Variants in DNAH5 observed in about 807,000 individuals in gnomAD.
The protein encoded by DNAH5 is axonemal beta dynein heavy chain 5.
A neutral mutation model predicts 518.2 loss-of-function variants in DNAH5; 372 were observed. The observed-to-expected ratio is 0.72, with a 90% CI of 0.66 to 0.78. The LOEUF (loss-of-function observed/expected upper bound fraction) is 0.78. Ranked by LOEUF, DNAH5 falls within the 30% of genes least tolerant of loss-of-function variation. DNAH5 has a pLI of 0.00. For missense variants in DNAH5, 5,523 were observed against 5,687.0 expected, an observed-to-expected ratio of 0.97 and a Z score of 0.93; for synonymous variants, 2,039 against 2,025.9, an observed-to-expected ratio of 1.01 and a Z score of -0.17.
chr5:13,930,986 G>A (rs1778357483), intron 2 of DNAH5, 124 bp downstream of exon 2: 1 of 1,412,056 alleles, frequency 7.1e-7, no homozygotes, highest in Non-Finnish European at 1.0e-6. Flanking sequence ...TCAGAATGGA[G>A]CCCTGTCCAC....
intron 1 of DNAH5, among the ~76,000 whole-genome samples, chr5:13,965,837 A>C (rs1312475431): frequency 6.6e-6 from 1 of 152,184 alleles, no homozygotes; most frequent in Non-Finnish European, 1.5e-5. Context: ...TTTGGAGAAC[A>C]GGTGGTTCCA....
chr5:14,011,508 C>A (rs754828179), intron 1 of DNAH5, among the ~76,000 whole-genome samples: 1 of 152,192 alleles, frequency 6.6e-6, no homozygotes, highest in Admixed American at 6.5e-5. Flanking sequence ...ACTCTGAAAA[C>A]CCCGGACCAC....
At position 13,901,415 on chromosome 5, in the gene DNAH5, G is replaced by A. The variant is rs763452954; in HGVS notation, c.1889C>T (p.Ala630Val). The A allele has an allele frequency of 9.3e-6, 15 of 1,614,064 alleles. No homozygotes were observed. The highest frequency in any genetic ancestry group is 1.3e-5 in the Non-Finnish European group (15 of 1,179,994). The change falls in exon 14 of 79, where the codon GCC (alanine) becomes GTC (valine). Residue 630 changes from alanine (A) to valine (V), a missense_variant. By Grantham distance (64) the Ala-to-Val change is moderately conservative. Coordinates refer to ENST00000265104, the MANE Select transcript of DNAH5 (RefSeq NM_001369.3). Reference sequence around the variant, plus strand: ...CTGAATCCTATGGAAGAGCTGGCGGGCCCACAAAATCTTTCCAGCGATGGG... The same window carrying A: ...CTGAATCCTATGGAAGAGCTGGCGGACCCACAAAATCTTTCCAGCGATGGG... ...QPPIAGKILW[A>V]RQLFHRIQQP...
chr5:13,735,676 A>AACACATTGGTAATT lies in DNAH5; in HGVS notation c.11570+128_11570+141dup, dbSNP rs1273309592. 76 of 764,502 alleles carry AACACATTGGTAATT rather than the reference A, an allele frequency of 9.9e-5. 1 individual carries two copies. The highest frequency in any genetic ancestry group is 4.4e-4 in the Admixed American group (21 of 47,462). The allele number at this position is 764,502 out of a possible 1,614,324, so 47.4% of individuals were successfully genotyped here. On this transcript the variant is annotated intron_variant, in intron 67 of 78. Transcript: ENST00000265104. ...AAATGGCAAATCAGAATGATTTGTTAACACATTGGTAATTACACTGATCTG... is the reference window on the plus strand; with the variant it reads ...AAATGGCAAATCAGAATGATTTGTTAACACATTGGTAATTACACATTGGTAATTACACTGATCTG...
chr5:13,758,809 A>C, intron 61 of DNAH5, 37 bp downstream of exon 61: 2 of 1,613,920 alleles, frequency 1.2e-6, no homozygotes, highest in African/African-American at 2.7e-5. Context: ...AGCCGTGTAG[A>C]TATGTGACAG....
intron 1 of DNAH5, among the ~76,000 whole-genome samples, chr5:13,961,192 A>C (rs1301249234): frequency 6.6e-6 from 1 of 152,200 alleles, no homozygotes; most frequent in Non-Finnish European, 1.5e-5. Flanking sequence ...AATAATATAA[A>C]AATCATCTTT....
intron 1 of DNAH5, chr5:13,932,333 T>G (rs1043073924): frequency 5.3e-5 from 8 of 152,200 alleles, no homozygotes; most frequent in African/African-American, 1.7e-4. Flanking sequence ...TCTCCCACTC[T>G]AGCCTGGAGT....
At chr5:13,866,619 T>C (rs1241374689) in intron 25 of DNAH5, among the ~76,000 whole-genome samples, 1 of 152,216 alleles carries the variant, frequency 6.6e-6, no homozygotes, top group Non-Finnish European at 1.5e-5. Flanking sequence ...GCTAATATCA[T>C]ATAACTCATA....
intron 1 of DNAH5, among the ~76,000 whole-genome samples, chr5:14,002,046 G>A (rs1271041245): frequency 3.3e-5 from 5 of 151,840 alleles, no homozygotes; most frequent in African/African-American, 1.2e-4. Context: ...CTACAGGCGC[G>A]CACCACCATA....
intron 30 of DNAH5, among the ~76,000 whole-genome samples, chr5:13,853,374 C>T (rs528522983): frequency 2.6e-5 from 4 of 152,292 alleles, no homozygotes; most frequent in Admixed American, 2.0e-4. Flanking sequence ...AGGTCACCAA[C>T]AGCAAAGACC....
rs928969231 is a variant in DNAH5, at chr5:13,804,448, C to T, written c.7887+3143G>A. 4.6e-5 allele frequency among the ~76,000 whole-genome samples: 7 copies of T among 152,172 alleles called. No homozygotes were observed. In the East Asian group the frequency reaches 5.8e-4, roughly 13 times the overall value. On this transcript the variant is annotated intron_variant, in intron 47 of 78. Coordinates refer to ENST00000265104, the MANE Select transcript of DNAH5 (RefSeq NM_001369.3). The stretch of plus-strand genomic sequence containing the variant: ...TTTCAGTTTGGTTGGGATCCAGATA[C>T]GTGGGAGATGCAGAGACAAATGCTC...
In DNAH5 at chr5:13,913,803, C is replaced by A. The variant is rs150994380; in HGVS notation, c.1476G>T (p.Thr492=). 2 of 1,613,382 alleles carry A rather than the reference C, an allele frequency of 1.2e-6. No homozygotes were observed. The highest frequency in any genetic ancestry group is 2.7e-5 in the African/African-American group (2 of 74,862). ...KIIDIFTTLK[T]YSVLQDSTIE... is the part of the protein sequence containing the mutation. ...TTGTGGAATCTTGCAGGACTGAATA[C>A]GTCTTGAGGGTTGTAAAGATGTCTA... The change falls in exon 11 of 79, where the codon ACG becomes ACT. Residue 492 remains threonine, a synonymous_variant. Transcript: ENST00000265104.
At chr5:13,743,253 A>T (rs1748860267) in intron 65 of DNAH5, among the ~76,000 whole-genome samples, 1 of 152,130 alleles carries the variant, frequency 6.6e-6, no homozygotes, top group African/African-American at 2.4e-5. Flanking sequence ...TAAGTGTTCT[A>T]TATAAATTCT....
At chr5:13,838,019 C>T (rs1764639669) in intron 35 of DNAH5, among the ~76,000 whole-genome samples, 1 of 151,930 alleles carries the variant, frequency 6.6e-6, no homozygotes, top group South Asian at 2.1e-4. Context: ...TTTTAATGAA[C>T]ATTATTTCTA....
intron 1 of DNAH5, among the ~76,000 whole-genome samples, chr5:13,984,032 T>C (rs912200313): frequency 1.3e-5 from 2 of 152,106 alleles, no homozygotes; most frequent in Non-Finnish European, 2.9e-5. Context: ...GAGATTACCC[T>C]GGGTTATCCA....
chr5:13,764,172 G>A (rs979019070), intron 59 of DNAH5, among the ~76,000 whole-genome samples: 1 of 152,110 alleles, frequency 6.6e-6, no homozygotes, highest in African/African-American at 2.4e-5. Flanking sequence ...AAAGCTTCCA[G>A]AAGAAAACTA....
chr5:13,940,559 C>T (rs1779363056), intron 1 of DNAH5, among the ~76,000 whole-genome samples: 1 of 152,146 alleles, frequency 6.6e-6, no homozygotes, highest in South Asian at 2.1e-4. Context: ...GATGCCTGGG[C>T]CTCCCACCCC....
intron 49 of DNAH5, among the ~76,000 whole-genome samples, chr5:13,792,602 T>G (rs1757175103): frequency 6.6e-6 from 1 of 152,196 alleles, no homozygotes; most frequent in Admixed American, 6.5e-5. Context: ...CATTATAAAA[T>G]ACTTTCATTT....
In DNAH5 at chr5:13,814,748, T is replaced by C; in HGVS notation, c.7087A>G (p.Asn2363Asp). The C allele has an allele frequency of 6.2e-7, 1 of 1,614,100 alleles. No individual in the cohort carries two copies. The highest frequency in any genetic ancestry group is 8.5e-7 in the Non-Finnish European group (1 of 1,180,024). Reference protein sequence around the residue: ...LDDNKTLTLANGDRIPMAPNC... With the variant: ...LDDNKTLTLADGDRIPMAPNC... ...GGAGCCATGGGAATCCGATCACCAT[T>C]GGCAAGGGTTAGAGTTTTGTTATCA... Residue 2363 changes from asparagine to aspartate, a missense_variant, in exon 43 of 79, where the codon AAT becomes GAT. Asn to Asp is a conservative substitution (Grantham distance 23, BLOSUM62 1). This residue lies in a region of DNAH5 where 5,121 missense variants were observed against 5,223.3 expected (regional missense o/e 0.98). Coordinates refer to ENST00000265104, the MANE Select transcript of DNAH5 (RefSeq NM_001369.3).
Sources: gnomAD v4.1 joint callset for allele counts (sites outside exome capture counted in the v4.1 genomes callset) on GRCh38, gnomAD v4.1.1 for gene constraint, gnomAD v4.1.1 regional missense constraint, MANE v1.5 for transcripts, NCBI Gene and HGNC (gene_info 2026-07-23, HGNC 2026-07-21) for gene names.